SLIT3: variants seen among roughly 807,000 people sequenced by gnomAD.
The protein encoded by SLIT3 is slit homolog 3 protein.
SLIT3 carries 68 observed loss-of-function variants against 184.0 expected under a neutral mutation model. That is an observed-to-expected ratio of 0.37 (90% CI 0.30 to 0.45). The LOEUF (loss-of-function observed/expected upper bound fraction) is 0.45, where lower values mean the gene tolerates loss of function less well. SLIT3 is among the 20% of genes least tolerant of loss of function. SLIT3 has a pLI of 1.00. For synonymous variants in SLIT3, 831 were observed against 828.6 expected (o/e 1.00, Z -0.05); for missense variants, 1,707 against 2,026.0 (o/e 0.84, Z 3.02).
rs566883231 is a variant in SLIT3 at position 168,725,343 on chromosome 5, T to C, written c.2271-859A>G. 5.3e-5 allele frequency among the ~76,000 whole-genome samples: 8 copies of C among 152,328 alleles called. 1 individual carries two copies. In the South Asian group the frequency reaches 1.7e-3, roughly 32 times the overall value. On this transcript the variant is annotated intron_variant, in intron 20 of 35. Transcript: ENST00000519560. ...ATGTAATCATGAATTACAAAGGTTA[T>C]TCCTACCTATAAATAAAAGTTAATG...
intron 6 of SLIT3, 74 bp from the exon 7 acceptor site, chr5:168,823,405 G>A: frequency 9.4e-7 from 1 of 1,065,008 alleles, no homozygotes; most frequent in Non-Finnish European, 1.5e-6. Flanking sequence ...TAGTAGGTCG[G>A]GGGAGGGATG....
At chr5:168,683,857 G>T in intron 32 of SLIT3, 109 bp downstream of exon 32, 4 of 1,047,940 alleles carry the variant, frequency 3.8e-6, no homozygotes, top group Non-Finnish European at 5.2e-6. Context: ...GGTAGGGGCG[G>T]GGAGAAGGGA....
intron 6 of SLIT3, among the ~76,000 whole-genome samples, chr5:168,836,711 C>G (rs924226167): frequency 2.0e-4 from 31 of 152,158 alleles, no homozygotes; most frequent in Admixed American, 1.3e-4. Flanking sequence ...GCCGACTCCC[C>G]CTAAGCGCTA....
chr5:169,058,302 A>G (rs1294253409), intron 4 of SLIT3, among the ~76,000 whole-genome samples: 4 of 152,156 alleles, frequency 2.6e-5, no homozygotes, highest in African/African-American at 4.8e-5. Context: ...TTCTTTGTCC[A>G]CCTGCTTGCT....
intron 5 of SLIT3, among the ~76,000 whole-genome samples, chr5:168,873,050 T>A (rs1759590871): frequency 6.6e-6 from 1 of 152,146 alleles, no homozygotes; most frequent in South Asian, 2.1e-4. Flanking sequence ...AAGCCAGAAA[T>A]GCTTTTCCAA....
At chr5:169,230,561 T>C (rs1764969907) in intron 3 of SLIT3, among the ~76,000 whole-genome samples, 1 of 152,246 alleles carries the variant, frequency 6.6e-6, no homozygotes, top group South Asian at 2.1e-4. Flanking sequence ...ATGGTTTTTC[T>C]GTTCTTTGGA....
intron 4 of SLIT3, among the ~76,000 whole-genome samples, chr5:169,112,832 C>T (rs540800801): frequency 6.6e-6 from 1 of 152,184 alleles, no homozygotes; most frequent in African/African-American, 2.4e-5. Flanking sequence ...TGCTTAGTTC[C>T]CAAAAGCCAC....
intron 32 of SLIT3, among the ~76,000 whole-genome samples, chr5:168,681,381 G>A (rs954400827): frequency 6.6e-6 from 1 of 152,176 alleles, no homozygotes; most frequent in Non-Finnish European, 1.5e-5. Flanking sequence ...TGTACTAATG[G>A]CAACAGAAAC....
At chr5:168,849,581 T>G in intron 5 of SLIT3, among the ~76,000 whole-genome samples, 1 of 152,164 alleles carries the variant, frequency 6.6e-6, no homozygotes, top group East Asian at 1.9e-4. Context: ...CATAGTACTA[T>G]TAGATGTTCA....
intron 1 of SLIT3, among the ~76,000 whole-genome samples, chr5:169,268,222 C>A (rs1000220383): frequency 1.3e-5 from 2 of 152,036 alleles, no homozygotes; most frequent in Non-Finnish European, 2.9e-5. Flanking sequence ...GGAGGAGTGG[C>A]GGAGGGGGGA....
At chr5:169,178,571 T>C (rs1042151234) in intron 4 of SLIT3, among the ~76,000 whole-genome samples, 6 of 152,156 alleles carry the variant, frequency 3.9e-5, no homozygotes, top group Admixed American at 1.3e-4. Flanking sequence ...ACCTGAGATA[T>C]ACCGCACCCC....
intron 4 of SLIT3, among the ~76,000 whole-genome samples, chr5:169,072,650 G>A (rs1055926815): frequency 6.6e-5 from 10 of 152,192 alleles, no homozygotes; most frequent in Non-Finnish European, 1.5e-4. Context: ...GAGGAGGTTA[G>A]GGATGTTTCT....
Position 168,999,590 on chromosome 5 carries a change from C to CAGA in SLIT3, c.414-116255_414-116254insTCT, listed in dbSNP as rs527502969. Among the ~76,000 whole-genome samples the CAGA allele has an allele frequency of 3.0e-3, 459 of 152,296 alleles. 1 individual carries two copies. Among genetic ancestry groups the CAGA allele is most frequent in the Middle Eastern group, 6.8e-3 (2 of 294 alleles). On this transcript the variant is annotated intron_variant, in intron 4 of 35. Coordinates refer to ENST00000519560, the MANE Select transcript of SLIT3 (RefSeq NM_003062.4). The stretch of plus-strand genomic sequence containing the variant: ...GAACTCCTCTGAAGGACTCAGGGAT[C>CAGA]TGGTCCCCACTCACATTGGCTTCCT...
rs1282998492 is a variant in SLIT3 at position 168,748,434 on chromosome 5, C to A, written c.2138G>T (p.Gly713Val). The change falls in exon 20 of 36, where the codon GGC (glycine) becomes GTC (valine). Residue 713 changes from glycine (G) to valine (V), a missense_variant and splice_region_variant. Coordinates refer to ENST00000519560, the MANE Select transcript of SLIT3 (RefSeq NM_003062.4). ...CAGCTGGCAGCTACTCTCCTCGTTGCCTGTGGAGAGCCCCAGAGAGGGTGA... is the reference window on the plus strand; with the variant it reads ...CAGCTGGCAGCTACTCTCCTCGTTGACTGTGGAGAGCCCCAGAGAGGGTGA... Reference protein sequence around the residue: ...DVAIQDFTCDGNEESSCQLSP... With the variant: ...DVAIQDFTCDVNEESSCQLSP... 6.6e-7 allele frequency: 1 copy of A among 1,523,258 alleles called. No individual in the cohort carries two copies. Among genetic ancestry groups the A allele is most frequent in the Admixed American group, 2.5e-5 (1 of 39,932 alleles). 94.4% of individuals were successfully genotyped at this position (1,523,258 alleles called of 1,614,324 possible).
chr5:168,786,844 TG>T (rs1488933258), intron 11 of SLIT3, among the ~76,000 whole-genome samples: 1 of 152,180 alleles, frequency 6.6e-6, no homozygotes, highest in Non-Finnish European at 1.5e-5. Context: ...GCACGGGCTT[TG>T]CTGTCTCTTG....
chr5:168,857,990 A>G (rs1236597742), intron 5 of SLIT3, among the ~76,000 whole-genome samples: 1 of 152,226 alleles, frequency 6.6e-6, no homozygotes, highest in Non-Finnish European at 1.5e-5. Flanking sequence ...CATCTTCTGG[A>G]GATGTCTCCT....
intron 3 of SLIT3, among the ~76,000 whole-genome samples, chr5:169,229,118 T>C (rs1764905435): frequency 6.6e-6 from 1 of 152,046 alleles, no homozygotes; most frequent in South Asian, 2.1e-4. Flanking sequence ...GAGGGAGACA[T>C]AAGCATTTTG....
chr5:168,824,277 G>A (rs570079311), intron 6 of SLIT3, among the ~76,000 whole-genome samples: 7 of 152,290 alleles, frequency 4.6e-5, no homozygotes, highest in Non-Finnish European at 7.3e-5. Flanking sequence ...TGAGCTCTGC[G>A]CATCTCTTCT....
chr5:169,230,225 T>C (rs1037662721), intron 3 of SLIT3, among the ~76,000 whole-genome samples: 2 of 152,214 alleles, frequency 1.3e-5, no homozygotes, highest in African/African-American at 4.8e-5. Flanking sequence ...TTAACAGATG[T>C]TACTCGCAGC....
Sources: gnomAD v4.1 joint callset for allele counts (sites outside exome capture counted in the v4.1 genomes callset) on GRCh38, gnomAD v4.1.1 for gene constraint, MANE v1.5 for transcripts, NCBI Gene and HGNC (gene_info 2026-07-23, HGNC 2026-07-21) for gene names.